The following AK3 variants were observed in gnomAD, a reference collection of about 807,000 sequenced individuals.
AK3 encodes the protein GTP:AMP phosphotransferase AK3, mitochondrial.
AK3 carries 27 observed loss-of-function variants against 23.7 expected under a neutral mutation model. The observed-to-expected ratio is 1.14, with a 90% CI of 0.84 to 1.57. The LOEUF (loss-of-function observed/expected upper bound fraction) is 1.57. Among genes scored for constraint, AK3 ranks in the 40% most tolerant of loss-of-function variants. The probability of loss-of-function intolerance (pLI) is 0.00; values close to 1 mark genes in which losing one functional copy is unlikely to be tolerated. For synonymous variants in AK3, 159 were observed against 116.0 expected (o/e 1.37, Z -2.38); for missense variants, 406 against 285.6 (o/e 1.42, Z -3.04).
intron 2 of AK3, among the ~76,000 whole-genome samples, chr9:4,719,858 G>T (rs183609920): frequency 2.2e-4 from 34 of 152,240 alleles, no homozygotes; most frequent in Non-Finnish European, 4.0e-4. Context: ...CTGAGCTCAG[G>T]AGTTCAAGAC....
At chr9:4,739,899 C>T (rs1445543473) in intron 1 of AK3, among the ~76,000 whole-genome samples, 1 of 151,272 alleles carries the variant, frequency 6.6e-6, no homozygotes, top group East Asian at 1.9e-4. Context: ...AACAAACAAA[C>T]CAAAAAGAAA....
chr9:4,714,617 G>C (rs1285955279), intron 4 of AK3, among the ~76,000 whole-genome samples: 2 of 152,038 alleles, frequency 1.3e-5, no homozygotes, highest in Non-Finnish European at 2.9e-5. Context: ...AATTACTGAG[G>C]GCACAATTGC....
intron 4 of AK3, among the ~76,000 whole-genome samples, chr9:4,717,398 A>G (rs1012916349): frequency 6.6e-6 from 1 of 152,252 alleles, no homozygotes; most frequent in Non-Finnish European, 1.5e-5. Context: ...AGACAAAACA[A>G]TGTTAAAATG....
At chr9:4,729,226 T>C (rs960396979) in intron 1 of AK3, among the ~76,000 whole-genome samples, 9 of 152,034 alleles carry the variant, frequency 5.9e-5, no homozygotes, top group Admixed American at 1.3e-4. Context: ...GTCAGGCTGG[T>C]GCTGAACTCC....
intron 4 of AK3, 53 bp from the exon 5 acceptor site, chr9:4,713,149 T>A (rs1447311990): frequency 7.5e-6 from 12 of 1,595,108 alleles, no homozygotes; most frequent in African/African-American, 1.4e-5. Flanking sequence ...GTCTTCCTAA[T>A]AAGCTCTTTC....
chr9:4,736,760 C>G (rs1274645598), intron 1 of AK3, among the ~76,000 whole-genome samples: 1 of 151,752 alleles, frequency 6.6e-6, no homozygotes, highest in African/African-American at 2.4e-5. Context: ...CCACTGCAGC[C>G]TCGAACTCCT....
At chr9:4,714,167 T>TACACATATACA (rs1841653745) in intron 4 of AK3, among the ~76,000 whole-genome samples, 2 of 24,946 alleles carry the variant, frequency 8.0e-5, no homozygotes, top group African/African-American at 2.4e-4. Context: ...TACACACACC[T>TACACATATACA]CCACACATAC....
At chr9:4,724,914 C>T (rs1841987020) in intron 1 of AK3, among the ~76,000 whole-genome samples, 1 of 150,920 alleles carries the variant, frequency 6.6e-6, no homozygotes. Flanking sequence ...GCTCCTGGGA[C>T]AAATAAATAT....
intron 4 of AK3, among the ~76,000 whole-genome samples, chr9:4,714,563 T>C (rs962171956): frequency 3.3e-5 from 5 of 152,208 alleles, no homozygotes; most frequent in Non-Finnish European, 7.3e-5. Context: ...TGTAAGCCTC[T>C]TGAAGAGCCG....
At chr9:4,721,026 C>T (rs1841881597) in intron 2 of AK3, among the ~76,000 whole-genome samples, 1 of 152,186 alleles carries the variant, frequency 6.6e-6, no homozygotes, top group Non-Finnish European at 1.5e-5. Context: ...CAGCCCCTTA[C>T]ACCTCATAAA....
intron 1 of AK3, 94 bp from the exon 2 acceptor site, chr9:4,722,719 G>C: frequency 6.5e-7 from 1 of 1,528,446 alleles, no homozygotes; most frequent in Non-Finnish European, 8.9e-7. Context: ...AAGTCTGAAT[G>C]GCATACTCAT....
intron 4 of AK3, among the ~76,000 whole-genome samples, chr9:4,714,069 C>CATATACACCTCCACATATACAG (rs1397076179): frequency 1.5e-5 from 2 of 134,138 alleles, no homozygotes. Context: ...CATATACACA[C>CATATACACCTCCACATATACAG]CTACACATAT....
chr9:4,724,126 G>A (rs1471025835), intron 1 of AK3, among the ~76,000 whole-genome samples: 3 of 152,204 alleles, frequency 2.0e-5, no homozygotes, highest in Non-Finnish European at 2.9e-5. Context: ...ACTGCACTTA[G>A]AAGAGGGCTT....
chr9:4,734,392 C>T (rs1280017820), intron 1 of AK3, among the ~76,000 whole-genome samples: 1 of 152,230 alleles, frequency 6.6e-6, no homozygotes, highest in East Asian at 1.9e-4. Flanking sequence ...TGCCCTCCTG[C>T]TCCCATGCCC....
intron 3 of AK3, 119 bp from the exon 4 acceptor site, chr9:4,718,656 T>A: frequency 1.3e-6 from 1 of 745,348 alleles, no homozygotes. Context: ...AAAAATGTGC[T>A]AACTTTTAAA....
intron 1 of AK3, among the ~76,000 whole-genome samples, chr9:4,724,711 C>A: frequency 6.6e-6 from 1 of 151,316 alleles, no homozygotes; most frequent in Non-Finnish European, 1.5e-5. Flanking sequence ...CCCAAGAGGT[C>A]AAGGCTACAG....
At chr9:4,728,498 G>A (rs1842068878) in intron 1 of AK3, among the ~76,000 whole-genome samples, 2 of 152,194 alleles carry the variant, frequency 1.3e-5, no homozygotes, top group Admixed American at 1.3e-4. Context: ...TTGAACCTGG[G>A]AGGCGGAGGT....
Position 4,718,401 on chromosome 9 carries a change from T to C in AK3, c.563+18A>G, listed in dbSNP as rs1461460092. The C allele has an allele frequency of 1.3e-6, 2 of 1,595,708 alleles. No homozygotes were observed. The highest frequency in any genetic ancestry group is 1.7e-6 in the Non-Finnish European group (2 of 1,165,118). The stretch of plus-strand genomic sequence containing the variant: ...GTGCACCACTACGCAAGAGAAGTTC[T>C]GAAAAGCAAAAACTCACTGGTAATA... On this transcript the variant is annotated intron_variant, in intron 4 of 4. Transcript: ENST00000381809.
At chr9:4,715,537 G>C (rs1297860360) in intron 4 of AK3, among the ~76,000 whole-genome samples, 1 of 151,898 alleles carries the variant, frequency 6.6e-6, no homozygotes, top group Non-Finnish European at 1.5e-5. Flanking sequence ...TGGGACTATA[G>C]GCATGTGCCA....
Sources: allele counts gnomAD v4.1 joint callset (sites outside exome capture counted in the v4.1 genomes callset), GRCh38; gene constraint gnomAD v4.1.1; transcripts MANE v1.5; gene names NCBI Gene and HGNC (gene_info 2026-07-23, HGNC 2026-07-21).